The following FRMPD4 variants were observed in gnomAD, a reference collection of about 807,000 sequenced individuals.
FRMPD4 encodes FERM and PDZ domain-containing protein 4.
Under a neutral mutation model 94.1 loss-of-function variants are expected in FRMPD4, and 22 were observed. The observed-to-expected ratio is 0.23, with a 90% confidence interval of 0.17 to 0.33. The LOEUF (loss-of-function observed/expected upper bound fraction) is 0.33. Ranked by LOEUF, FRMPD4 falls within the 10% of genes least tolerant of loss-of-function variation. FRMPD4 has a pLI of 1.00. For missense variants in FRMPD4, 1,111 were observed against 1,339.9 expected, an observed-to-expected ratio of 0.83 and a Z score of 2.67; for synonymous variants, 631 against 548.6, an observed-to-expected ratio of 1.15 and a Z score of -2.10.
At chrX:12,391,500 C>T (rs1233464711) in intron 1 of FRMPD4, among the ~76,000 whole-genome samples, 1 of 111,706 alleles carries the variant, frequency 9.0e-6, no homozygotes, top group African/African-American at 3.3e-5. Context: ...CAATACTGCT[C>T]CTTGTAGAAT....
intron 1 of FRMPD4, among the ~76,000 whole-genome samples, chrX:12,385,904 A>G (rs2056391742): frequency 8.9e-6 from 1 of 112,412 alleles, no homozygotes; most frequent in African/African-American, 3.2e-5. Flanking sequence ...TTTTTCTCAC[A>G]GTAAGTTTCC....
intron 3 of FRMPD4, among the ~76,000 whole-genome samples, chrX:11,967,954 G>A (rs2054320193): frequency 1.8e-5 from 2 of 109,621 alleles, no homozygotes; most frequent in South Asian, 8.0e-4. Context: ...GACCACATAG[G>A]TCCACCGGTT....
chrX:12,602,903 A>G (rs2059097747), intron 2 of FRMPD4, among the ~76,000 whole-genome samples: 1 of 112,212 alleles, frequency 8.9e-6, no homozygotes, highest in Non-Finnish European at 1.9e-5. Flanking sequence ...GCTTAGGGCA[A>G]TAGGATGTTA....
chrX:12,286,836 A>C (rs1436480633), intron 1 of FRMPD4, among the ~76,000 whole-genome samples: 1 of 111,645 alleles, frequency 9.0e-6, no homozygotes, highest in African/African-American at 3.3e-5. Context: ...GATTTTTTTC[A>C]TTATAGTAAA....
rs759510521 is a variant in FRMPD4, at chrX:12,696,240, C to T, written c.933+1786C>T. On this transcript the variant is annotated intron_variant, in intron 9 of 16. Transcript: ENST00000675598. Reference sequence around the variant, plus strand: ...CATTTTACTGAATTGTTAATTTCAACGTGGTAAAACTTGAAGAGAACAGTC... The same window carrying T: ...CATTTTACTGAATTGTTAATTTCAATGTGGTAAAACTTGAAGAGAACAGTC... 4.5e-5 allele frequency among the ~76,000 whole-genome samples: 5 copies of T among 111,636 alleles called. No homozygotes were observed. In the South Asian group the frequency reaches 1.5e-3, roughly 33 times the overall value.
chrX:11,839,100 G>A (rs747250090), intron 1 of FRMPD4, among the ~76,000 whole-genome samples: 54 of 110,259 alleles, frequency 4.9e-4, no homozygotes, highest in Middle Eastern at 4.7e-3. Flanking sequence ...CATCCCCATC[G>A]GTAGTATATA....
chrX:12,402,661 A>G (rs2056622465), intron 1 of FRMPD4, among the ~76,000 whole-genome samples: 1 of 112,790 alleles, frequency 8.9e-6, no homozygotes, highest in Admixed American at 9.3e-5. Context: ...CCATTATGGT[A>G]GTATTAAGAA....
chrX:12,696,586 C>CAAAAAAAAAAAAAAAAAAAAGAAAAA, intron 9 of FRMPD4, among the ~76,000 whole-genome samples: 1 of 30,054 alleles, frequency 3.3e-5, no homozygotes, highest in South Asian at 3.1e-3. Context: ...AAAAATGAAG[C>CAAAAAAAAAAAAAAAAAAAAGAAAAA]AAAAAAAAAA....
chrX:12,637,030 A>G (rs1361363987), intron 4 of FRMPD4, among the ~76,000 whole-genome samples: 1 of 112,498 alleles, frequency 8.9e-6, no homozygotes. Flanking sequence ...AATGATATGT[A>G]GTAATCTGAA....
intron 1 of FRMPD4, among the ~76,000 whole-genome samples, chrX:11,829,922 ACC>A (rs1271633716): frequency 1.8e-5 from 2 of 112,261 alleles, no homozygotes; most frequent in Non-Finnish European, 3.8e-5. Context: ...ACAGTTTGTG[ACC>A]CTTGCTGGAC....
intron 2 of FRMPD4, among the ~76,000 whole-genome samples, chrX:12,507,767 C>T (rs2058000619): frequency 8.9e-6 from 1 of 111,763 alleles, no homozygotes. Flanking sequence ...CTATGACCTA[C>T]CTTAAAGGTT....
intron 1 of FRMPD4, among the ~76,000 whole-genome samples, chrX:12,417,718 A>C (rs1425886003): frequency 9.1e-6 from 1 of 109,722 alleles, no homozygotes; most frequent in South Asian, 3.9e-4. Context: ...TCATTTAAAA[A>C]CATTGTTCTG....
chrX:12,549,284 T>G (rs2058509786), intron 2 of FRMPD4, among the ~76,000 whole-genome samples: 1 of 111,883 alleles, frequency 8.9e-6, no homozygotes, highest in Non-Finnish European at 1.9e-5. Flanking sequence ...CTGGGCCAGC[T>G]TATAAGTACT....
At chrX:12,010,532 TTGTCTC>T (rs2059349330) in intron 3 of FRMPD4, among the ~76,000 whole-genome samples, 1 of 112,220 alleles carries the variant, frequency 8.9e-6, no homozygotes, top group South Asian at 3.7e-4. Flanking sequence ...GTGGGCCAGA[TTGTCTC>T]TGTTTCTACT....
intron 8 of FRMPD4, 86 bp from the exon 9 acceptor site, chrX:12,694,249 C>A: frequency 5.8e-6 from 4 of 689,857 alleles, no homozygotes; most frequent in Non-Finnish European, 9.0e-6. Context: ...TCCTTAGTGT[C>A]CAAAAAAAGT....
chrX:12,072,055 A>G (rs753202175), intron 3 of FRMPD4, among the ~76,000 whole-genome samples: 60 of 110,814 alleles, frequency 5.4e-4, no homozygotes, highest in Non-Finnish European at 9.6e-4. Context: ...CAGTGGTGCA[A>G]TCATAGCTCG....
At chrX:12,271,519 C>T (rs375846961) in intron 1 of FRMPD4, among the ~76,000 whole-genome samples, 10 of 112,087 alleles carry the variant, frequency 8.9e-5, no homozygotes, top group African/African-American at 1.6e-4. Context: ...CTACTGTCCA[C>T]GAAGATTGTG....
At position 12,149,941 on chromosome X, in the gene FRMPD4, C is replaced by T. The variant is rs181448910; in HGVS notation, c.41+10929C>T. Among the ~76,000 whole-genome samples, 80 of 104,807 alleles carry T rather than the reference C, an allele frequency of 7.6e-4. 1 individual carries two copies. Among genetic ancestry groups the T allele is most frequent in the African/African-American group, 2.9e-3 (70 of 24,069 alleles). 91.0% of individuals were successfully genotyped at this position (104,807 alleles called of 115,157 possible). A position where few individuals can be genotyped will look rare whatever the true frequency, so the allele number is the denominator to read the frequency against. On this transcript the variant is annotated intron_variant, in intron 1 of 16. Transcript: ENST00000675598. ...AGACCCTCCACCAGCAGAAATATGA[C>T]GACTCACTAAAGGCTTAGATGATCA...
At chrX:11,828,314 T>C (rs1312793038) in intron 1 of FRMPD4, among the ~76,000 whole-genome samples, 1 of 112,233 alleles carries the variant, frequency 8.9e-6, no homozygotes, top group Non-Finnish European at 1.9e-5. Flanking sequence ...CATATATCAC[T>C]GATCCAACTT....
Sources: allele counts gnomAD v4.1 joint callset (sites outside exome capture counted in the v4.1 genomes callset), GRCh38; gene constraint gnomAD v4.1.1; transcripts MANE v1.5; gene names NCBI Gene and HGNC (gene_info 2026-07-23, HGNC 2026-07-21).